CSNK2A2: variants seen among roughly 807,000 people sequenced by gnomAD.
CSNK2A2 encodes casein kinase II subunit alpha'.
CSNK2A2 carries 8 observed loss-of-function variants against 54.0 expected under a neutral mutation model. That is an observed-to-expected ratio of 0.15 (90% CI 0.09 to 0.27). The LOEUF is 0.27. Ranked by LOEUF, CSNK2A2 falls within the 10% of genes least tolerant of loss-of-function variation. CSNK2A2 has a pLI of 1.00. For missense variants in CSNK2A2, 242 were observed against 439.4 expected (o/e 0.55, Z 4.02); for synonymous variants, 141 against 153.9 (o/e 0.92, Z 0.62).
chr16:58,176,653 CCT>C (rs1208034944), intron 4 of CSNK2A2, among the ~76,000 whole-genome samples: 1 of 152,146 alleles, frequency 6.6e-6, no homozygotes, highest in African/African-American at 2.4e-5. Flanking sequence ...GTGTTTGCTG[CCT>C]CCACTCTTCC....
intron 4 of CSNK2A2, among the ~76,000 whole-genome samples, chr16:58,181,849 A>G (rs1219643545): frequency 6.6e-6 from 1 of 152,170 alleles, no homozygotes. Flanking sequence ...CGTCATTGTG[A>G]AATTTCAGAA....
At chr16:58,186,631 G>A in intron 3 of CSNK2A2, 124 bp downstream of exon 3, 1 of 654,770 alleles carries the variant, frequency 1.5e-6, no homozygotes, top group Non-Finnish European at 2.6e-6. Flanking sequence ...TTTCAAACCA[G>A]TCAGTAGTTA....
chr16:58,161,556 C>CACACAG (rs1961370310), intron 11 of CSNK2A2: 1 of 147,948 alleles, frequency 6.8e-6, no homozygotes, highest in Non-Finnish European at 1.5e-5. Context: ...CACAGACACA[C>CACACAG]ACACAGACAC....
chr16:58,184,421 C>T (rs995800646), intron 3 of CSNK2A2, 111 bp from the exon 4 acceptor site: 48 of 691,624 alleles, frequency 6.9e-5, no homozygotes, highest in Non-Finnish European at 1.1e-4. Flanking sequence ...CAGGGATTCA[C>T]TCATCAGGGA....
At chr16:58,173,202 C>A (rs1439084514) in intron 5 of CSNK2A2, among the ~76,000 whole-genome samples, 1 of 152,218 alleles carries the variant, frequency 6.6e-6, no homozygotes. Flanking sequence ...TGGGATAAAT[C>A]AAGCTCGACC....
At chr16:58,169,536 T>G (rs552162468) in intron 5 of CSNK2A2, among the ~76,000 whole-genome samples, 2 of 145,862 alleles carry the variant, frequency 1.4e-5, no homozygotes, top group East Asian at 2.2e-4. Context: ...GGGAGGGGGG[T>G]GTGTGTGTGG....
At chr16:58,177,637 A>G (rs1336515689) in intron 4 of CSNK2A2, among the ~76,000 whole-genome samples, 2 of 152,218 alleles carry the variant, frequency 1.3e-5, no homozygotes, top group Non-Finnish European at 2.9e-5. Context: ...TTTATAAGAC[A>G]GCTTCCCAGG....
intron 3 of CSNK2A2, among the ~76,000 whole-genome samples, chr16:58,185,671 G>A (rs1464626954): frequency 1.3e-5 from 2 of 152,124 alleles, no homozygotes; most frequent in Admixed American, 1.3e-4. Flanking sequence ...GTGCTAAAAG[G>A]ACAGGATATC....
At chr16:58,160,834 CTCTAA>C (rs754151053) in intron 11 of CSNK2A2, 1 of 152,250 alleles carries the variant, frequency 6.6e-6, no homozygotes, top group Non-Finnish European at 1.5e-5. Context: ...TGTCTGTCTC[CTCTAA>C]TCTATCAGTC....
chr16:58,164,137 C>T lies in CSNK2A2; in HGVS notation c.987G>A (p.Val329=). 1 of 1,613,912 alleles carries T rather than the reference C, an allele frequency of 6.2e-7. No individual in the cohort carries two copies. The highest frequency in any genetic ancestry group is 8.5e-7 in the Non-Finnish European group (1 of 1,179,902). The stretch of plus-strand genomic sequence containing the variant: ...CTGCACAAGGCTGGGACTGCTCCTT[C>T]ACCACAGGGTCTGCAAGAAAGCAGG... ...AMEHPYFYPV[V]KEQSQPCADN... The change falls in exon 11 of 12, where the codon GTG becomes GTA. Residue 329 remains valine (V), a synonymous_variant. Transcript: ENST00000262506.
intron 2 of CSNK2A2, among the ~76,000 whole-genome samples, chr16:58,193,121 TTAGA>T (rs1179916550): frequency 1.3e-5 from 2 of 152,192 alleles, no homozygotes; most frequent in Non-Finnish European, 2.9e-5. Context: ...TACCAAAAAC[TTAGA>T]TAAATACCAC....
intron 3 of CSNK2A2, among the ~76,000 whole-genome samples, chr16:58,185,212 C>G (rs1324476133): frequency 6.6e-6 from 1 of 151,944 alleles, no homozygotes; most frequent in Non-Finnish European, 1.5e-5. Context: ...ACCTAGGAAA[C>G]AGGCCACAGG....
intron 1 of CSNK2A2, 50 bp from the exon 2 acceptor site, chr16:58,196,894 G>T: frequency 8.7e-7 from 1 of 1,150,098 alleles, no homozygotes; most frequent in Non-Finnish European, 1.3e-6. Flanking sequence ...GGTTAACCAA[G>T]CCTATGCCCA....
intron 4 of CSNK2A2, among the ~76,000 whole-genome samples, chr16:58,175,644 CATTTT>C (rs1961857735): frequency 6.6e-6 from 1 of 152,058 alleles, no homozygotes; most frequent in Non-Finnish European, 1.5e-5. Context: ...CACTGTCTAC[CATTTT>C]ATATTTTTGA....
At position 58,182,808 on chromosome 16, in the gene CSNK2A2, T is replaced by C. The variant is rs1328470090; in HGVS notation, c.369+1452A>G. Among the ~76,000 whole-genome samples the C allele has an allele frequency of 4.6e-5, 7 of 152,308 alleles. No homozygotes were observed. In the South Asian group the frequency reaches 1.2e-3, roughly 27 times the overall value. Reference sequence around the variant, plus strand: ...TACCAGGATAAACCTGGGTGATTCATAGGATCAGCTACACATATCAGCATA... The same window carrying C: ...TACCAGGATAAACCTGGGTGATTCACAGGATCAGCTACACATATCAGCATA... On this transcript the variant is annotated intron_variant, in intron 4 of 11. Coordinates refer to ENST00000262506, the MANE Select transcript of CSNK2A2 (RefSeq NM_001896.4).
intron 9 of CSNK2A2, 74 bp downstream of exon 9, chr16:58,166,510 A>G (rs528532292): frequency 1.0e-6 from 1 of 965,098 alleles, no homozygotes; most frequent in African/African-American, 1.6e-5. Context: ...ATGGGAAAAG[A>G]AAGTGATTTT....
At chr16:58,181,269 C>T (rs1962033183) in intron 4 of CSNK2A2, among the ~76,000 whole-genome samples, 1 of 152,218 alleles carries the variant, frequency 6.6e-6, no homozygotes, top group African/African-American at 2.4e-5. Flanking sequence ...ACTGAACAAC[C>T]TCAGAAATGT....
intron 5 of CSNK2A2, among the ~76,000 whole-genome samples, chr16:58,172,241 T>C (rs1961765563): frequency 6.6e-6 from 1 of 152,036 alleles, no homozygotes; most frequent in Admixed American, 6.6e-5. Context: ...TACACAAACA[T>C]CCAAAAGACT....
intron 3 of CSNK2A2, 46 bp from the exon 4 acceptor site, chr16:58,184,356 C>T (rs1962138492): frequency 2.1e-6 from 3 of 1,412,230 alleles, no homozygotes; most frequent in South Asian, 2.5e-5. Flanking sequence ...AAACAATAAT[C>T]AATGTAATCT....
Sources: gnomAD v4.1 joint callset for allele counts (sites outside exome capture counted in the v4.1 genomes callset) on GRCh38, gnomAD v4.1.1 for gene constraint, MANE v1.5 for transcripts, NCBI Gene and HGNC (gene_info 2026-07-23, HGNC 2026-07-21) for gene names.